Variants in MED12L observed in about 807,000 individuals in gnomAD.
MED12L encodes mediator complex subunit 12L.
Under a neutral mutation model 281.3 loss-of-function variants are expected in MED12L, and 60 were observed. That is an observed-to-expected ratio of 0.21 (90% CI 0.17 to 0.26). The LOEUF is 0.26. MED12L is among the 10% of genes least tolerant of loss of function. The probability of loss-of-function intolerance (pLI) is 1.00; values close to 1 mark genes in which losing one functional copy is unlikely to be tolerated. For missense variants in MED12L, 2,146 were observed against 2,680.9 expected, an observed-to-expected ratio of 0.80 and a Z score of 4.41; for synonymous variants, 974 against 987.2, an observed-to-expected ratio of 0.99 and a Z score of 0.25.
rs201786266 is a variant in MED12L, at chr3:151,093,845, C to T, written c.99+6820C>T. On this transcript the variant is annotated intron_variant, in intron 2 of 44. Coordinates refer to ENST00000687756, the MANE Select transcript of MED12L (RefSeq NM_001393769.1). ...CTGTGTCCCTGGGTTCTCAGTTTTG[C>T]TCTTTGGGGACCCCGTAAGGCTGTC... Among the ~76,000 whole-genome samples the T allele has an allele frequency of 8.6e-4, 131 of 152,284 alleles. 1 individual carries two copies. The highest frequency in any genetic ancestry group is 3.4e-3 in the Middle Eastern group (1 of 294).
chr3:151,173,982 T>C (rs1721743847), intron 11 of MED12L, among the ~76,000 whole-genome samples: 1 of 152,234 alleles, frequency 6.6e-6, no homozygotes, highest in South Asian at 2.1e-4. Context: ...CATAATATTT[T>C]AATTATAGCT....
chr3:151,241,171 CT>C (rs1733998687), intron 16 of MED12L, among the ~76,000 whole-genome samples: 2 of 152,122 alleles, frequency 1.3e-5, no homozygotes, highest in Non-Finnish European at 2.9e-5. Flanking sequence ...TCTCCTTGCC[CT>C]TTGGCATCTG....
intron 16 of MED12L, among the ~76,000 whole-genome samples, chr3:151,325,596 C>T (rs1749502610): frequency 6.6e-6 from 1 of 152,124 alleles, no homozygotes; most frequent in South Asian, 2.1e-4. Flanking sequence ...TCTACTATGC[C>T]TCTTCACCAC....
At chr3:151,209,546 C>T (rs1180185076) in intron 16 of MED12L, among the ~76,000 whole-genome samples, 1 of 152,106 alleles carries the variant, frequency 6.6e-6, no homozygotes, top group Non-Finnish European at 1.5e-5. Context: ...ATGGCTTTTA[C>T]TGTTGAAGAC....
chr3:151,383,654 A>T, intron 33 of MED12L, 125 bp from the exon 34 acceptor site: 1 of 608,970 alleles, frequency 1.6e-6, no homozygotes, highest in South Asian at 2.3e-5. Context: ...AGATAAGGTA[A>T]TCTATAAACT....
intron 16 of MED12L, among the ~76,000 whole-genome samples, chr3:151,297,252 G>A (rs752902382): frequency 1.4e-4 from 22 of 152,146 alleles, no homozygotes; most frequent in Non-Finnish European, 2.9e-4. Flanking sequence ...ATTTAATGAC[G>A]TGTTGTAGTC....
chr3:151,264,763 G>T (rs1739518398), intron 16 of MED12L, among the ~76,000 whole-genome samples: 1 of 152,070 alleles, frequency 6.6e-6, no homozygotes. Flanking sequence ...GGCCCACCCA[G>T]TGCGTGTGTG....
chr3:151,148,065 A>G lies in MED12L; in HGVS notation c.557-8096A>G, dbSNP rs73155787. 6.4e-3 allele frequency among the ~76,000 whole-genome samples: 974 copies of G among 152,224 alleles called. 4 individuals carry two copies. The highest frequency in any genetic ancestry group is 0.014 in the Middle Eastern group (4 of 294). On this transcript the variant is annotated intron_variant, in intron 5 of 44. Transcript: ENST00000687756. ...TCAGTCTTTTTATTATAGCTGTCCTAGCGGTATTTCATTATGGTTTTGATT... is the reference window on the plus strand; with the variant it reads ...TCAGTCTTTTTATTATAGCTGTCCTGGCGGTATTTCATTATGGTTTTGATT...
chr3:151,334,858 G>A (rs1369013114), intron 16 of MED12L, among the ~76,000 whole-genome samples: 2 of 152,130 alleles, frequency 1.3e-5, no homozygotes, highest in African/African-American at 2.4e-5. Flanking sequence ...TGTGAGCCAT[G>A]CAGTCTACAT....
intron 16 of MED12L, among the ~76,000 whole-genome samples, chr3:151,245,169 C>G (rs1468869433): frequency 2.6e-5 from 4 of 152,190 alleles, no homozygotes; most frequent in Non-Finnish European, 5.9e-5. Context: ...GATGGATTCA[C>G]AGCTGAATTC....
intron 16 of MED12L, among the ~76,000 whole-genome samples, chr3:151,309,599 T>G (rs908932887): frequency 3.3e-5 from 5 of 152,200 alleles, no homozygotes; most frequent in Non-Finnish European, 7.3e-5. Flanking sequence ...CGCCTTCAGG[T>G]GTAACTCATC....
intron 5 of MED12L, among the ~76,000 whole-genome samples, chr3:151,132,656 T>C (rs182729888): frequency 9.5e-4 from 145 of 152,360 alleles, no homozygotes; most frequent in Non-Finnish European, 1.7e-3. Flanking sequence ...AATTTACCTG[T>C]GTAAATATAC....
At position 151,292,734 on chromosome 3, in the gene MED12L, G is replaced by A. The variant is rs151096895; in HGVS notation, c.2251-57325G>A. On this transcript the variant is annotated intron_variant, in intron 16 of 44. Transcript: ENST00000687756. The stretch of plus-strand genomic sequence containing the variant: ...ATTACAGGCATGCGCCACCACGCCC[G>A]GCTGATTTTGTATTTTTAGTAGAGA... 5.1e-3 allele frequency among the ~76,000 whole-genome samples: 774 copies of A among 151,732 alleles called. 11 individuals are homozygous for A. The highest frequency in any genetic ancestry group is 0.017 in the African/African-American group (714 of 41,348).
intron 16 of MED12L, among the ~76,000 whole-genome samples, chr3:151,207,939 T>C (rs975012998): frequency 1.3e-5 from 2 of 152,212 alleles, no homozygotes; most frequent in African/African-American, 4.8e-5. Context: ...AAAGTTTTTA[T>C]TTGATATAGC....
intron 14 of MED12L, among the ~76,000 whole-genome samples, chr3:151,191,829 C>T (rs756855375): frequency 6.6e-6 from 1 of 152,054 alleles, no homozygotes; most frequent in East Asian, 1.9e-4. Context: ...TTGCTTGAAC[C>T]CGGGAGGTGG....
chr3:151,139,140 T>C (rs903790395), intron 5 of MED12L, among the ~76,000 whole-genome samples: 10 of 152,230 alleles, frequency 6.6e-5, no homozygotes, highest in African/African-American at 2.4e-4. Context: ...CATTGAGAGC[T>C]CTTTCAGCTG....
At chr3:151,328,361 G>T in intron 16 of MED12L, 1 of 1,609,288 alleles carries the variant, frequency 6.2e-7, no homozygotes, top group Non-Finnish European at 8.5e-7. Context: ...TACTTTTTTT[G>T]CAATAACCAC....
chr3:151,121,247 T>C (rs1429118434), intron 3 of MED12L, among the ~76,000 whole-genome samples: 1 of 152,218 alleles, frequency 6.6e-6, no homozygotes, highest in Non-Finnish European at 1.5e-5. Context: ...TATTCACTGT[T>C]TGGACATCCT....
chr3:151,410,457 C>G (rs1716813239), intron 40 of MED12L, among the ~76,000 whole-genome samples: 1 of 152,178 alleles, frequency 6.6e-6, no homozygotes, highest in Admixed American at 6.5e-5. Flanking sequence ...TCTCTGTCTT[C>G]CAAGTCAGAG....
Sources: allele counts gnomAD v4.1 joint callset (sites outside exome capture counted in the v4.1 genomes callset), GRCh38; gene constraint gnomAD v4.1.1; transcripts MANE v1.5; gene names NCBI Gene and HGNC (gene_info 2026-07-23, HGNC 2026-07-21).